The following FAM151B variants were observed in gnomAD, a reference collection of about 807,000 sequenced individuals.
FAM151B encodes the protein family with sequence similarity 151 member B.
A neutral mutation model predicts 31.2 loss-of-function variants in FAM151B; 24 were observed. That is an observed-to-expected ratio of 0.77 (90% CI 0.56 to 1.08). The LOEUF is 1.08. FAM151B is among the 50% of genes least tolerant of loss of function. The pLI is 0.00. For synonymous variants in FAM151B, 105 were observed against 111.4 expected, an observed-to-expected ratio of 0.94 and a Z score of 0.36; for missense variants, 293 against 328.6, an observed-to-expected ratio of 0.89 and a Z score of 0.84.
intron 5 of FAM151B, chr5:80,522,654 C>G: frequency 6.6e-6 from 1 of 151,970 alleles, no homozygotes; most frequent in African/African-American, 2.4e-5. Context: ...CTCAGCTACT[C>G]GGGAAGCTAA....
intron 5 of FAM151B, among the ~76,000 whole-genome samples, chr5:80,523,879 A>G (rs1245169333): frequency 2.0e-5 from 3 of 152,178 alleles, no homozygotes; most frequent in Non-Finnish European, 4.4e-5. Context: ...TCAGATTCTT[A>G]GTTACAAACA....
At chr5:80,503,847 G>C (rs1743841394) in intron 2 of FAM151B, among the ~76,000 whole-genome samples, 1 of 152,012 alleles carries the variant, frequency 6.6e-6, no homozygotes, top group South Asian at 2.1e-4. Flanking sequence ...CGTATGCCTT[G>C]ATATACAGAC....
intron 1 of FAM151B, among the ~76,000 whole-genome samples, chr5:80,488,596 C>T (rs1271196846): frequency 6.6e-6 from 1 of 152,202 alleles, no homozygotes; most frequent in Non-Finnish European, 1.5e-5. Context: ...GCAGAGTGTG[C>T]GGCTCGCTTG....
At chr5:80,534,539 T>A (rs547509394) in intron 5 of FAM151B, among the ~76,000 whole-genome samples, 21 of 152,238 alleles carry the variant, frequency 1.4e-4, no homozygotes, top group African/African-American at 4.8e-4. Flanking sequence ...TGAAAAAACA[T>A]TGGGTAAAAT....
intron 5 of FAM151B, among the ~76,000 whole-genome samples, chr5:80,534,591 A>C (rs1381852809): frequency 6.6e-6 from 1 of 152,238 alleles, no homozygotes; most frequent in South Asian, 2.1e-4. Context: ...AAAACTGGGT[A>C]TGGAAGGAGC....
intron 3 of FAM151B, among the ~76,000 whole-genome samples, chr5:80,516,582 A>G (rs1257730557): frequency 1.3e-5 from 2 of 152,226 alleles, no homozygotes; most frequent in South Asian, 2.1e-4. Flanking sequence ...TATTCTTTTC[A>G]GGAGACTTAA....
At chr5:80,496,111 G>C (rs1195838319) in intron 1 of FAM151B, among the ~76,000 whole-genome samples, 1 of 152,174 alleles carries the variant, frequency 6.6e-6, no homozygotes, top group Non-Finnish European at 1.5e-5. Context: ...CTCTCATTTT[G>C]AAAGTTCTCC....
chr5:80,500,127 G>T (rs772385597), intron 1 of FAM151B: 1 of 347,962 alleles, frequency 2.9e-6, no homozygotes, highest in Non-Finnish European at 5.3e-6. Context: ...AGGACATTAT[G>T]CTAAGTGAAA....
At chr5:80,538,454 C>G (rs1256664758) in intron 5 of FAM151B, among the ~76,000 whole-genome samples, 2 of 62,966 alleles carry the variant, frequency 3.2e-5, no homozygotes, top group African/African-American at 5.9e-5. Context: ...CTTTCTCTTT[C>G]TTTCTTTCTT....
At chr5:80,538,464 T>TCTCTC (rs1561383734) in intron 5 of FAM151B, among the ~76,000 whole-genome samples, 32 of 108,386 alleles carry the variant, frequency 3.0e-4, no homozygotes, top group African/African-American at 1.0e-3. Context: ...CTTTCTTTCT[T>TCTCTC]TCTTTCTTTC....
At chr5:80,532,574 T>G (rs991843027) in intron 5 of FAM151B, among the ~76,000 whole-genome samples, 1 of 152,208 alleles carries the variant, frequency 6.6e-6, no homozygotes, top group Non-Finnish European at 1.5e-5. Context: ...CACCCCACTT[T>G]CAACATTGGA....
In FAM151B at chr5:80,501,879, CAGCTA is replaced by C; in HGVS notation, c.115_119del (p.Ala39ProfsTer7). On this transcript the variant is annotated frameshift_variant, in exon 2 of 6. Transcript: ENST00000282226. LOFTEE classifies it high-confidence loss of function. ...GGTGCTGAGATCACCTGGTATCATG[CAGCTA>C]ACCACAAGGCACAAACAAATGAGGC... 1 of 1,604,014 alleles carries C rather than the reference CAGCTA, an allele frequency of 6.2e-7. No individual in the cohort carries two copies. The highest frequency in any genetic ancestry group is 8.5e-7 in the Non-Finnish European group (1 of 1,174,038).
At chr5:80,513,826 A>T in intron 3 of FAM151B, 57 bp downstream of exon 3, 1 of 1,492,874 alleles carries the variant, frequency 6.7e-7, no homozygotes, top group Non-Finnish European at 9.0e-7. Context: ...GTGCCTGACT[A>T]CCTATTTTTT....
chr5:80,519,813 T>G lies in FAM151B; in HGVS notation c.438T>G (p.Asp146Glu). The change falls in exon 4 of 6, where the codon GAT becomes GAG. Residue 146 changes from aspartate to glutamate, a missense_variant. Coordinates refer to ENST00000282226, the MANE Select transcript of FAM151B (RefSeq NM_205548.3). The stretch of plus-strand genomic sequence containing the variant: ...CAAATGGAAATAGCAAAGTAATAGA[T>G]GCAAAACCATTTTTAGACACCGTGA... ...PGPNGNSKVI[D>E]AKPFLDTVIS... The G allele has an allele frequency of 1.2e-6, 2 of 1,614,152 alleles. No homozygotes were observed. Among genetic ancestry groups the G allele is most frequent in the Non-Finnish European group, 1.7e-6 (2 of 1,179,992 alleles).
At chr5:80,502,812 A>G (rs1743797814) in intron 2 of FAM151B, among the ~76,000 whole-genome samples, 1 of 152,168 alleles carries the variant, frequency 6.6e-6, no homozygotes, top group Admixed American at 6.5e-5. Context: ...ACTGTTTTAA[A>G]TTGTATTTTT....
intron 2 of FAM151B, among the ~76,000 whole-genome samples, chr5:80,506,732 C>G (rs192517625): frequency 6.6e-6 from 1 of 152,284 alleles, no homozygotes; most frequent in African/African-American, 2.4e-5. Flanking sequence ...TTCTACTGCT[C>G]TGGTTTCCAA....
intron 5 of FAM151B, among the ~76,000 whole-genome samples, chr5:80,538,823 G>A (rs1395060821): frequency 1.3e-5 from 2 of 151,452 alleles, no homozygotes; most frequent in African/African-American, 2.4e-5. Context: ...GGTCTTGAAC[G>A]CCTGACCTCA....
chr5:80,529,437 A>C (rs940066066), intron 5 of FAM151B, among the ~76,000 whole-genome samples: 1 of 152,180 alleles, frequency 6.6e-6, no homozygotes, highest in Non-Finnish European at 1.5e-5. Flanking sequence ...CAAAAAAGCA[A>C]TGAATCCAGG....
chr5:80,500,876 G>A (rs1743715096), intron 1 of FAM151B: 2 of 851,752 alleles, frequency 2.3e-6, no homozygotes, highest in Admixed American at 3.4e-5. Flanking sequence ...GGTAAATATG[G>A]CATCCTCTGC....
Sources: allele counts gnomAD v4.1 joint callset (sites outside exome capture counted in the v4.1 genomes callset), GRCh38; gene constraint gnomAD v4.1.1; transcripts MANE v1.5; gene names NCBI Gene and HGNC (gene_info 2026-07-23, HGNC 2026-07-21).